RGS6: variants seen among roughly 807,000 people sequenced by gnomAD.
The protein encoded by RGS6 is regulator of G-protein signaling 6.
Under a neutral mutation model 78.5 loss-of-function variants are expected in RGS6, and 30 were observed. The ratio of observed to expected loss-of-function variants is 0.38; its 90% confidence interval spans 0.29 to 0.52. RGS6 has a LOEUF of 0.52. Ranked by LOEUF, RGS6 falls within the 20% of genes least tolerant of loss-of-function variation. The probability of loss-of-function intolerance (pLI) is 0.85; values close to 1 mark genes in which losing one functional copy is unlikely to be tolerated. For synonymous variants in RGS6, 206 were observed against 206.0 expected, an observed-to-expected ratio of 1.00 and a Z score of 0.00; for missense variants, 495 against 609.7, an observed-to-expected ratio of 0.81 and a Z score of 1.98.
chr14:72,210,282 C>T (rs2043774306), intron 2 of RGS6, among the ~76,000 whole-genome samples: 1 of 152,168 alleles, frequency 6.6e-6, no homozygotes, highest in Non-Finnish European at 1.5e-5. Context: ...GGCACATTCC[C>T]TCTAGTTCCT....
intron 2 of RGS6, among the ~76,000 whole-genome samples, chr14:72,188,857 C>G (rs1437895698): frequency 6.6e-6 from 1 of 152,172 alleles, no homozygotes; most frequent in Non-Finnish European, 1.5e-5. Context: ...AGAACTCTCT[C>G]TGAACACTAC....
intron 2 of RGS6, among the ~76,000 whole-genome samples, chr14:72,036,200 A>ATTAT (rs1555445640): frequency 6.8e-6 from 1 of 146,800 alleles, no homozygotes; most frequent in Non-Finnish European, 1.5e-5. Flanking sequence ...GCATGTAAAC[A>ATTAT]TATTATTATT....
chr14:72,266,165 G>A (rs1389531858), intron 2 of RGS6, among the ~76,000 whole-genome samples: 1 of 152,150 alleles, frequency 6.6e-6, no homozygotes, highest in East Asian at 1.9e-4. Flanking sequence ...CTTTCACTGG[G>A]CAGATGGGTG....
chr14:72,437,246 C>T (rs2094962668), intron 3 of RGS6, among the ~76,000 whole-genome samples: 2 of 141,744 alleles, frequency 1.4e-5, no homozygotes, highest in Non-Finnish European at 1.5e-5. Flanking sequence ...GAGGCTGAGA[C>T]AGGAGAATCG....
chr14:72,312,090 T>A (rs1429860103), intron 2 of RGS6, among the ~76,000 whole-genome samples: 1 of 152,162 alleles, frequency 6.6e-6, no homozygotes, highest in African/African-American at 2.4e-5. Context: ...CAGCCTGAGG[T>A]TACCAGGTTC....
chr14:72,059,963 C>G (rs773444928), intron 2 of RGS6, among the ~76,000 whole-genome samples: 2 of 152,132 alleles, frequency 1.3e-5, no homozygotes, highest in Non-Finnish European at 2.9e-5. Flanking sequence ...ACTGAGAGAC[C>G]TCTGCTGGAG....
the RGS6 span, among the ~76,000 whole-genome samples, chr14:72,574,667 T>C: frequency 6.6e-6 from 1 of 152,088 alleles, no homozygotes; most frequent in Admixed American, 6.5e-5. Context: ...CAACCTACTG[T>C]GATGCGAGTA....
At position 72,454,520 on chromosome 14, in the gene RGS6, C is replaced by T. The variant is rs370408152; in HGVS notation, c.185-8C>T. On this transcript the variant is annotated splice_region_variant and splice_polypyrimidine_tract_variant and intron_variant, in intron 3 of 17. Coordinates refer to ENST00000553525, the MANE Select transcript of RGS6 (RefSeq NM_001204424.2). ...AGGTCTTCAGCTGAAATTGCTTTAT[C>T]GTTGCAGGTACTGACATTGTGCAGT... The T allele has an allele frequency of 1.5e-5, 24 of 1,613,834 alleles. No homozygotes were observed. In the African/African-American group the frequency reaches 1.9e-4, roughly 13 times the overall value.
At chr14:72,340,529 T>G (rs1285300381) in intron 2 of RGS6, among the ~76,000 whole-genome samples, 4 of 152,068 alleles carry the variant, frequency 2.6e-5, no homozygotes, top group Non-Finnish European at 5.9e-5. Context: ...GCAGGCAGGC[T>G]GGGAAGATCT....
At chr14:72,032,838 AT>A in intron 2 of RGS6, among the ~76,000 whole-genome samples, 1 of 152,332 alleles carries the variant, frequency 6.6e-6, no homozygotes, top group East Asian at 1.9e-4. Context: ...TGTATATCAA[AT>A]TTTAAAATCT....
chr14:72,416,713 A>T (rs1442746775), intron 3 of RGS6, among the ~76,000 whole-genome samples: 1 of 152,206 alleles, frequency 6.6e-6, no homozygotes, highest in Admixed American at 6.5e-5. Flanking sequence ...CTCTGAAGTC[A>T]AACTCAGGAA....
At chr14:72,543,566 T>G (rs951118509) in intron 17 of RGS6, among the ~76,000 whole-genome samples, 2 of 152,176 alleles carry the variant, frequency 1.3e-5, no homozygotes, top group Admixed American at 1.3e-4. Flanking sequence ...GTTCTTCAGA[T>G]TCTTTGGTGG....
At chr14:72,059,741 A>G (rs1311220901) in intron 2 of RGS6, among the ~76,000 whole-genome samples, 1 of 152,112 alleles carries the variant, frequency 6.6e-6, no homozygotes, top group East Asian at 1.9e-4. Context: ...TCTTGATGGG[A>G]TTCATGGCCT....
At chr14:72,219,222 C>T (rs2046310908) in intron 2 of RGS6, among the ~76,000 whole-genome samples, 1 of 151,944 alleles carries the variant, frequency 6.6e-6, no homozygotes, top group Non-Finnish European at 1.5e-5. Context: ...GCTGGGTGAC[C>T]ACACTGCACG....
rs573023392 is a variant in RGS6, at chr14:72,357,340, G to T, written c.184+5146G>T. 5.9e-5 allele frequency among the ~76,000 whole-genome samples: 9 copies of T among 152,232 alleles called. No homozygotes were observed. The East Asian group carries it at 1.7e-3, about 29-fold the overall frequency. On this transcript the variant is annotated intron_variant, in intron 3 of 17. Transcript: ENST00000553525. Reference sequence around the variant, plus strand: ...GGCAGAGGAAGGAACAGTTTGAAGGGCTCAGAAGAAGACAAGAATATGGGG... The same window carrying T: ...GGCAGAGGAAGGAACAGTTTGAAGGTCTCAGAAGAAGACAAGAATATGGGG...
chr14:72,071,759 T>G (rs1197698320), intron 2 of RGS6, among the ~76,000 whole-genome samples: 1 of 152,238 alleles, frequency 6.6e-6, no homozygotes, highest in Non-Finnish European at 1.5e-5. Context: ...AACATATATA[T>G]TACATTCTTC....
intron 2 of RGS6, among the ~76,000 whole-genome samples, chr14:72,344,619 G>A (rs182439736): frequency 7.0e-4 from 107 of 152,230 alleles, no homozygotes; most frequent in Non-Finnish European, 8.1e-4. Context: ...GTATTCATTC[G>A]TTCATTGATG....
intron 3 of RGS6, among the ~76,000 whole-genome samples, chr14:72,355,753 A>T (rs766858216): frequency 1.1e-4 from 16 of 152,148 alleles, no homozygotes; most frequent in South Asian, 2.1e-4. Flanking sequence ...CTCAAGAAAG[A>T]GCTCCTCGAG....
chr14:72,620,347 C>A, the RGS6 span, among the ~76,000 whole-genome samples: 1 of 152,196 alleles, frequency 6.6e-6, no homozygotes. Flanking sequence ...TGTCTCTATT[C>A]TCCATGACTT....
Sources: allele counts gnomAD v4.1 joint callset (sites outside exome capture counted in the v4.1 genomes callset), GRCh38; gene constraint gnomAD v4.1.1; transcripts MANE v1.5; gene names NCBI Gene and HGNC (gene_info 2026-07-23, HGNC 2026-07-21).